Variants in TAFA5 observed in about 807,000 individuals in gnomAD.
TAFA5 encodes TAFA chemokine like family member 5, also known as chemokine-like protein TAFA-5.
A neutral mutation model predicts 15.3 loss-of-function variants in TAFA5; 6 were observed. That is an observed-to-expected ratio of 0.39 (90% CI 0.21 to 0.77). The LOEUF (loss-of-function observed/expected upper bound fraction) is 0.77. TAFA5 is among the 30% of genes least tolerant of loss of function. The probability of loss-of-function intolerance (pLI) is 0.41; values close to 1 mark genes in which losing one functional copy is unlikely to be tolerated. For synonymous variants in TAFA5, 103 were observed against 80.7 expected, an observed-to-expected ratio of 1.28 and a Z score of -1.48; for missense variants, 161 against 193.1, an observed-to-expected ratio of 0.83 and a Z score of 0.98.
At chr22:48,728,317 G>A (rs914738462) in intron 3 of TAFA5, among the ~76,000 whole-genome samples, 12 of 152,178 alleles carry the variant, frequency 7.9e-5, no homozygotes, top group Non-Finnish European at 1.5e-4. Flanking sequence ...TTTATTGATT[G>A]AAAGTTTTAA....
intron 2 of TAFA5, among the ~76,000 whole-genome samples, chr22:48,650,307 A>T (rs1181222934): frequency 6.6e-6 from 1 of 152,156 alleles, no homozygotes; most frequent in East Asian, 1.9e-4. Flanking sequence ...CGGTTTCTTA[A>T]TTATTCATAC....
At chr22:48,601,309 C>T (rs1924963638) in intron 1 of TAFA5, among the ~76,000 whole-genome samples, 1 of 152,036 alleles carries the variant, frequency 6.6e-6, no homozygotes, top group Admixed American at 6.6e-5. Flanking sequence ...GTGTATATAT[C>T]CTTATATCTT....
chr22:48,738,722 A>G (rs1321091920), intron 3 of TAFA5, among the ~76,000 whole-genome samples: 1 of 152,222 alleles, frequency 6.6e-6, no homozygotes. Flanking sequence ...AGGGTGTGTT[A>G]GTTTCCATGA....
chr22:48,533,885 C>T (rs1438811128), intron 1 of TAFA5, among the ~76,000 whole-genome samples: 1 of 152,142 alleles, frequency 6.6e-6, no homozygotes, highest in Non-Finnish European at 1.5e-5. Flanking sequence ...CTGTTTTCAC[C>T]ATGTTTGGTG....
At chr22:48,661,114 C>T (rs1054253584) in intron 2 of TAFA5, among the ~76,000 whole-genome samples, 5 of 152,176 alleles carry the variant, frequency 3.3e-5, no homozygotes, top group South Asian at 2.1e-4. Context: ...CATGAGAGCA[C>T]GTACGGGGTG....
At chr22:48,548,739 G>C (rs6007881) in intron 1 of TAFA5, among the ~76,000 whole-genome samples, 6,054 of 152,362 alleles carry the variant, frequency 0.04, 347 homozygotes, top group East Asian at 0.24. Flanking sequence ...ATGGCCAAGC[G>C]CAGCATCAGC....
chr22:48,528,224 A>G (rs1001099843), intron 1 of TAFA5, among the ~76,000 whole-genome samples: 2 of 152,154 alleles, frequency 1.3e-5, no homozygotes, highest in Non-Finnish European at 2.9e-5. Flanking sequence ...CTGGTACCTG[A>G]CAAGCTTCGA....
At position 48,604,065 on chromosome 22, in the gene TAFA5, T is replaced by C. The variant is rs138394644; in HGVS notation, c.113-42532T>C. 1.7e-4 allele frequency among the ~76,000 whole-genome samples: 26 copies of C among 152,332 alleles called. No homozygotes were observed. In the East Asian group the frequency reaches 3.7e-3, roughly 22 times the overall value. On this transcript the variant is annotated intron_variant, in intron 1 of 3. Transcript: ENST00000402357. Reference sequence around the variant, plus strand: ...ACAGCACTGGACTGTGTGTGTCTCATTCACTCCAAGCGACAGGCGCGCAAG... The same window carrying C: ...ACAGCACTGGACTGTGTGTGTCTCACTCACTCCAAGCGACAGGCGCGCAAG...
chr22:48,544,796 G>C (rs1253355596), intron 1 of TAFA5: 1 of 471,264 alleles, frequency 2.1e-6, no homozygotes, highest in Non-Finnish European at 4.4e-6. Flanking sequence ...CACGATCTAG[G>C]CGAGGCCTGC....
At chr22:48,730,132 C>G (rs1390402571) in intron 3 of TAFA5, among the ~76,000 whole-genome samples, 2 of 152,150 alleles carry the variant, frequency 1.3e-5, no homozygotes, top group Non-Finnish European at 2.9e-5. Context: ...CGCCTGTAAT[C>G]CCAGCACTTT....
At chr22:48,641,117 C>T in intron 1 of TAFA5, among the ~76,000 whole-genome samples, 1 of 151,274 alleles carries the variant, frequency 6.6e-6, no homozygotes, top group African/African-American at 2.4e-5. Context: ...GGGGTCTGCC[C>T]TATGGGACAG....
intron 2 of TAFA5, among the ~76,000 whole-genome samples, chr22:48,695,527 T>C (rs1443136538): frequency 1.3e-5 from 2 of 152,176 alleles, no homozygotes; most frequent in Non-Finnish European, 2.9e-5. Flanking sequence ...GGTGTTGAGC[T>C]GAGTAATGTT....
intron 1 of TAFA5, among the ~76,000 whole-genome samples, chr22:48,584,070 CACCACACACCACTCACAAAATAT>C (rs1337994903): frequency 6.7e-6 from 1 of 149,766 alleles, no homozygotes; most frequent in Non-Finnish European, 1.5e-5. Context: ...ACATACCAGA[CACCACACACCACTCACAAAATAT>C]ATCACACACA....
intron 1 of TAFA5, among the ~76,000 whole-genome samples, chr22:48,610,790 A>G (rs1925375677): frequency 6.6e-6 from 1 of 152,160 alleles, no homozygotes. Context: ...AAGGATGGTG[A>G]ATGCAGCCGA....
At chr22:48,604,887 G>T (rs1925103641) in intron 1 of TAFA5, among the ~76,000 whole-genome samples, 1 of 152,074 alleles carries the variant, frequency 6.6e-6, no homozygotes, top group African/African-American at 2.4e-5. Flanking sequence ...TTTCCTTTTA[G>T]ATTCTGGGGA....
chr22:48,694,259 C>A (rs1205184685), intron 2 of TAFA5, among the ~76,000 whole-genome samples: 1 of 152,216 alleles, frequency 6.6e-6, no homozygotes, highest in Non-Finnish European at 1.5e-5. Context: ...GCGGCCCTGA[C>A]AGTCGGCAGC....
chr22:48,697,176 A>G (rs774196732), intron 2 of TAFA5, among the ~76,000 whole-genome samples: 3 of 152,172 alleles, frequency 2.0e-5, no homozygotes, highest in Non-Finnish European at 4.4e-5. Flanking sequence ...TTGCTTTATT[A>G]TCCCTCTCTG....
intron 3 of TAFA5, among the ~76,000 whole-genome samples, chr22:48,717,927 G>C (rs1929451235): frequency 6.6e-6 from 1 of 152,250 alleles, no homozygotes; most frequent in African/African-American, 2.4e-5. Flanking sequence ...GCCCCAGGCT[G>C]GGCAGGGCCA....
At chr22:48,587,769 G>A (rs761207495) in intron 1 of TAFA5, among the ~76,000 whole-genome samples, 1 of 152,228 alleles carries the variant, frequency 6.6e-6, no homozygotes, top group Non-Finnish European at 1.5e-5. Context: ...CTCCAAACAC[G>A]GCCTTCTGCC....
Sources: allele counts gnomAD v4.1 joint callset (sites outside exome capture counted in the v4.1 genomes callset), GRCh38; gene constraint gnomAD v4.1.1; transcripts MANE v1.5; gene names NCBI Gene and HGNC (gene_info 2026-07-23, HGNC 2026-07-21).